SVEP1: variants seen among roughly 807,000 people sequenced by gnomAD.
SVEP1 encodes sushi, von Willebrand factor type A, EGF and pentraxin domain containing 1.
In SVEP1, 164 loss-of-function variants were observed where a neutral mutation model predicts 367.3. That is an observed-to-expected ratio of 0.45 (90% CI 0.39 to 0.51). The LOEUF is 0.51. Ranked by LOEUF, SVEP1 falls within the 20% of genes least tolerant of loss-of-function variation. The probability of loss-of-function intolerance (pLI) is 0.00; values close to 1 mark genes in which losing one functional copy is unlikely to be tolerated. For missense variants in SVEP1, 4,117 were observed against 4,425.3 expected (o/e 0.93, Z 1.98); for synonymous variants, 1,666 against 1,611.6 (o/e 1.03, Z -0.81).
chr9:110,378,766 T>TG (rs1827389689), intron 44 of SVEP1, among the ~76,000 whole-genome samples: 1 of 49,422 alleles, frequency 2.0e-5, no homozygotes, highest in Non-Finnish European at 3.7e-5. Flanking sequence ...TGTTGTGGGG[T>TG]GGGGGGAGGG....
At chr9:110,479,839 A>T in intron 12 of SVEP1, 83 bp from the exon 13 acceptor site, 2 of 1,508,154 alleles carry the variant, frequency 1.3e-6, no homozygotes, top group Non-Finnish European at 1.8e-6. Flanking sequence ...AATTGAAACA[A>T]TGTTTTAATT....
At chr9:110,396,697 T>TCA (rs2118986168) in intron 40 of SVEP1, among the ~76,000 whole-genome samples, 1 of 68,970 alleles carries the variant, frequency 1.4e-5, no homozygotes, top group Admixed American at 1.5e-4. Flanking sequence ...CAAACTACCA[T>TCA]CAGAATACTA....
At chr9:110,430,098 G>GT in intron 33 of SVEP1, 94 bp from the exon 34 acceptor site, 3 of 1,251,554 alleles carry the variant, frequency 2.4e-6, no homozygotes, top group South Asian at 1.5e-5. Context: ...TTTTTTGTTT[G>GT]TTTGTTTTCT....
intron 2 of SVEP1, 77 bp downstream of exon 2, chr9:110,549,772 C>A: frequency 6.4e-7 from 1 of 1,551,428 alleles, no homozygotes; most frequent in South Asian, 1.2e-5. Context: ...ATATTACCCT[C>A]CCATGGGTTT....
chr9:110,423,170 A>T (rs1447274223), intron 36 of SVEP1, among the ~76,000 whole-genome samples: 1 of 37,946 alleles, frequency 2.6e-5, no homozygotes, highest in Admixed American at 2.5e-4. Flanking sequence ...AAATAAAGTA[A>T]AAAAAAAAAA....
intron 8 of SVEP1, among the ~76,000 whole-genome samples, chr9:110,492,116 C>A (rs9969802): frequency 7.9e-5 from 12 of 152,036 alleles, no homozygotes; most frequent in Non-Finnish European, 1.5e-4. Context: ...AAATATACCA[C>A]CTGTATATAC....
At chr9:110,468,059 G>A (rs1265170090) in intron 17 of SVEP1, among the ~76,000 whole-genome samples, 1 of 148,858 alleles carries the variant, frequency 6.7e-6, no homozygotes, top group African/African-American at 2.5e-5. Context: ...TATGCTTCCT[G>A]CATAGCCTGC....
Position 110,472,334 on chromosome 9 carries a change from G to T in SVEP1, c.2600-11C>A. On this transcript the variant is annotated splice_polypyrimidine_tract_variant and intron_variant, in intron 14 of 47. Coordinates refer to ENST00000374469, the MANE Select transcript of SVEP1 (RefSeq NM_153366.4). ...CCCAGCCACCTGGTCCTGGATAGTC[G>T]GGGCAGAGACACAAATGATCACACA... 1 of 1,551,780 alleles carries T rather than the reference G, an allele frequency of 6.4e-7. No individual in the cohort carries two copies. The highest frequency in any genetic ancestry group is 1.2e-5 in the South Asian group (1 of 82,766).
chr9:110,371,300 C>T (rs1170006060), intron 46 of SVEP1, among the ~76,000 whole-genome samples: 1 of 152,144 alleles, frequency 6.6e-6, no homozygotes, highest in Non-Finnish European at 1.5e-5. Flanking sequence ...ATTAGCAGTG[C>T]CTGACTGCAC....
chr9:110,406,147 G>T lies in SVEP1; in HGVS notation c.9440+13C>A, dbSNP rs755999443. The T allele has an allele frequency of 1.7e-5, 27 of 1,544,666 alleles. No individual in the cohort carries two copies. The East Asian group carries it at 4.1e-4, about 23-fold the overall frequency. On this transcript the variant is annotated intron_variant, in intron 38 of 47. Coordinates refer to ENST00000374469, the MANE Select transcript of SVEP1 (RefSeq NM_153366.4). Reference sequence around the variant, plus strand: ...GCCCGCACCCCTTGGAGACCCTAGAGCCATGATCTTACCTGAGTTTCACTT... The same window carrying T: ...GCCCGCACCCCTTGGAGACCCTAGATCCATGATCTTACCTGAGTTTCACTT...
At chr9:110,383,741 A>G (rs1362580854) in intron 43 of SVEP1, among the ~76,000 whole-genome samples, 1 of 152,190 alleles carries the variant, frequency 6.6e-6, no homozygotes, top group Admixed American at 6.5e-5. Context: ...CCATGGCCAC[A>G]TGGAGCCCCA....
intron 1 of SVEP1, among the ~76,000 whole-genome samples, chr9:110,578,464 C>T (rs1195401486): frequency 6.6e-6 from 1 of 151,880 alleles, no homozygotes; most frequent in African/African-American, 2.4e-5. Context: ...TTTTCCCCCA[C>T]TGAATATGGA....
chr9:110,395,825 C>T (rs1564129655), intron 40 of SVEP1, among the ~76,000 whole-genome samples: 2 of 151,934 alleles, frequency 1.3e-5, no homozygotes, highest in South Asian at 4.2e-4. Flanking sequence ...TATATGCACC[C>T]AATACAGGAG....
chr9:110,578,180 C>A (rs1830647115), intron 1 of SVEP1, among the ~76,000 whole-genome samples: 1 of 152,068 alleles, frequency 6.6e-6, no homozygotes, highest in Non-Finnish European at 1.5e-5. Context: ...AAGTGTCCAA[C>A]AATAAGTGAT....
At chr9:110,514,427 C>T (rs547147315) in intron 3 of SVEP1, among the ~76,000 whole-genome samples, 47 of 150,938 alleles carry the variant, frequency 3.1e-4, no homozygotes, top group Admixed American at 7.9e-4. Context: ...GCAGGAGAAT[C>T]GCTTGAACCT....
At chr9:110,448,213 C>A (rs2118604587) in intron 24 of SVEP1, among the ~76,000 whole-genome samples, 1 of 152,242 alleles carries the variant, frequency 6.6e-6, no homozygotes, top group East Asian at 1.9e-4. Context: ...GGGAATCCAG[C>A]CCTACCTTTA....
intron 43 of SVEP1, 65 bp downstream of exon 43, chr9:110,385,833 A>G: frequency 1.3e-6 from 2 of 1,532,618 alleles, no homozygotes; most frequent in Non-Finnish European, 1.8e-6. Flanking sequence ...ATTGAAAACA[A>G]CCTCACAGGG....
At chr9:110,562,401 C>T (rs546142816) in intron 1 of SVEP1, among the ~76,000 whole-genome samples, 1 of 152,112 alleles carries the variant, frequency 6.6e-6, no homozygotes, top group African/African-American at 2.4e-5. Context: ...AATTCCTATA[C>T]AATATGATCA....
At chr9:110,518,588 C>A (rs1337835906) in intron 3 of SVEP1, among the ~76,000 whole-genome samples, 2 of 152,154 alleles carry the variant, frequency 1.3e-5, no homozygotes, top group South Asian at 2.1e-4. Flanking sequence ...CAGGCACATA[C>A]CACCATGCCC....
Sources: allele counts gnomAD v4.1 joint callset (sites outside exome capture counted in the v4.1 genomes callset), GRCh38; gene constraint gnomAD v4.1.1; transcripts MANE v1.5; gene names NCBI Gene and HGNC (gene_info 2026-07-23, HGNC 2026-07-21).